CACNA1C: variants seen among roughly 807,000 people sequenced by gnomAD.
CACNA1C encodes calcium voltage-gated channel subunit alpha1 C.
A neutral mutation model predicts 229.0 loss-of-function variants in CACNA1C; 30 were observed. The ratio of observed to expected loss-of-function variants is 0.13; its 90% CI spans 0.10 to 0.18. The LOEUF (loss-of-function observed/expected upper bound fraction) is 0.18, where lower values mean the gene tolerates loss of function less well. Among genes scored for constraint, CACNA1C ranks in the 10% least tolerant of loss-of-function variants. The pLI is 1.00. For synonymous variants in CACNA1C, 1,114 were observed against 1,132.5 expected (o/e 0.98, Z 0.33); for missense variants, 1,658 against 2,845.0 (o/e 0.58, Z 9.49).
chr12:1,974,803 T>C (rs562914186), intron 1 of CACNA1C, among the ~76,000 whole-genome samples: 23 of 152,324 alleles, frequency 1.5e-4, no homozygotes, highest in Admixed American at 1.5e-3. Context: ...TCACCATAAG[T>C]GAATCTCAAT....
chr12:2,372,148 C>T (rs2097886423), intron 3 of CACNA1C, among the ~76,000 whole-genome samples: 2 of 152,278 alleles, frequency 1.3e-5, no homozygotes, highest in African/African-American at 4.8e-5. Flanking sequence ...TGTAGACAAC[C>T]ACAGATGGGA....
At chr12:2,261,621 C>T (rs1427868305) in intron 3 of CACNA1C, among the ~76,000 whole-genome samples, 1 of 152,226 alleles carries the variant, frequency 6.6e-6, no homozygotes, top group East Asian at 1.9e-4. Context: ...TTTAGTATAA[C>T]ACCTTGCATA....
At chr12:2,572,354 C>CTCCT (rs2055316448) in intron 13 of CACNA1C, among the ~76,000 whole-genome samples, 1 of 119,924 alleles carries the variant, frequency 8.3e-6, no homozygotes, top group Non-Finnish European at 1.8e-5. Flanking sequence ...CCTCCTCCTC[C>CTCCT]TCTCCTCCTC....
exon 1 of CACNA1C, chr12:1,970,926 G>T: frequency 2.7e-6 from 1 of 370,486 alleles, no homozygotes; most frequent in Non-Finnish European, 4.9e-6. Context: ...GATACGATAC[G>T]GCCATGTCAA....
intron 3 of CACNA1C, among the ~76,000 whole-genome samples, chr12:2,289,592 G>A (rs1216443653): frequency 6.6e-6 from 1 of 152,056 alleles, no homozygotes; most frequent in African/African-American, 2.4e-5. Flanking sequence ...TGTGCTGGTG[G>A]TACTAGGGAC....
intron 3 of CACNA1C, among the ~76,000 whole-genome samples, chr12:2,258,344 T>G (rs2078765175): frequency 6.6e-6 from 1 of 152,260 alleles, no homozygotes. Context: ...ATAATTTTAC[T>G]GTGTGTTTTT....
chr12:2,580,599 C>A (rs968022569), intron 13 of CACNA1C, among the ~76,000 whole-genome samples: 3 of 152,242 alleles, frequency 2.0e-5, no homozygotes, highest in Non-Finnish European at 2.9e-5. Flanking sequence ...AGCTGACCCT[C>A]ACACAGGTGC....
chr12:2,136,315 C>T (rs1343422661), intron 3 of CACNA1C, among the ~76,000 whole-genome samples: 1 of 151,292 alleles, frequency 6.6e-6, no homozygotes, highest in Admixed American at 6.7e-5. Context: ...CATCTTGGCT[C>T]CTCCTCGAGA....
chr12:2,445,922 G>A (rs1010521237), intron 3 of CACNA1C, among the ~76,000 whole-genome samples: 1 of 152,072 alleles, frequency 6.6e-6, no homozygotes, highest in African/African-American at 2.4e-5. Context: ...TCTTCTGGAG[G>A]GCTCATTATC....
At chr12:2,442,288 C>G (rs1023449190) in intron 3 of CACNA1C, among the ~76,000 whole-genome samples, 12 of 152,102 alleles carry the variant, frequency 7.9e-5, no homozygotes, top group African/African-American at 2.9e-4. Context: ...CATCATGATT[C>G]CTGGAACTGG....
intron 3 of CACNA1C, among the ~76,000 whole-genome samples, chr12:2,301,244 C>T (rs1326600103): frequency 1.3e-5 from 2 of 152,180 alleles, no homozygotes; most frequent in Admixed American, 1.3e-4. Flanking sequence ...TCTGTGCCAT[C>T]GCTTAGAGGG....
intron 9 of CACNA1C, among the ~76,000 whole-genome samples, chr12:2,529,151 G>A (rs2154581227): frequency 1.3e-5 from 2 of 152,318 alleles, no homozygotes; most frequent in Non-Finnish European, 2.9e-5. Context: ...GGCAAGTTAG[G>A]TTTGGTGACC....
At chr12:2,388,063 CACTT>C (rs1161490286) in intron 3 of CACNA1C, among the ~76,000 whole-genome samples, 1 of 152,108 alleles carries the variant, frequency 6.6e-6, no homozygotes, top group Non-Finnish European at 1.5e-5. Context: ...AATCATGTCT[CACTT>C]ATATGTGGAA....
At chr12:2,127,653 G>A (rs1421758940) in intron 3 of CACNA1C, among the ~76,000 whole-genome samples, 1 of 152,220 alleles carries the variant, frequency 6.6e-6, no homozygotes, top group African/African-American at 2.4e-5. Context: ...GCTTGACACA[G>A]CGCATTGGGA....
At chr12:2,011,745 G>A (rs545104231) in intron 1 of CACNA1C, among the ~76,000 whole-genome samples, 1 of 152,282 alleles carries the variant, frequency 6.6e-6, no homozygotes, top group South Asian at 2.1e-4. Flanking sequence ...AAAACTAAGG[G>A]CCGAAAAGCC....
chr12:1,992,980 C>T (rs1319839716), intron 1 of CACNA1C: 6 of 610,064 alleles, frequency 9.8e-6, no homozygotes, highest in Non-Finnish European at 1.7e-5. Context: ...CCCAGCCCTG[C>T]TCAGGCTTAA....
intron 3 of CACNA1C, among the ~76,000 whole-genome samples, chr12:2,416,420 AAAGAG>A (rs1421688223): frequency 1.3e-5 from 2 of 152,118 alleles, no homozygotes; most frequent in Non-Finnish European, 2.9e-5. Context: ...GAGGAAGAAA[AAAGAG>A]AAGGAAGGAA....
rs79978243 is a variant in CACNA1C, at chr12:2,401,824, A to G, written c.478-47152A>G. 1.5e-3 allele frequency among the ~76,000 whole-genome samples: 236 copies of G among 152,344 alleles called. 4 individuals carry two copies. The East Asian group carries it at 0.037, about 24-fold the overall frequency. On this transcript the variant is annotated intron_variant, in intron 3 of 46. Coordinates refer to ENST00000399655, the MANE Select transcript of CACNA1C (RefSeq NM_000719.7). ...TGTTGTAAAATAATGCAACCTAGACATGCATATGGAGTTCTTTACACTATG... is the reference window on the plus strand; with the variant it reads ...TGTTGTAAAATAATGCAACCTAGACGTGCATATGGAGTTCTTTACACTATG...
intron 3 of CACNA1C, among the ~76,000 whole-genome samples, chr12:2,322,939 C>T (rs888167765): frequency 6.6e-6 from 1 of 152,222 alleles, no homozygotes; most frequent in Non-Finnish European, 1.5e-5. Context: ...TGCTGCACCA[C>T]GCTGTCCCGA....
Sources: gnomAD v4.1 joint callset for allele counts (sites outside exome capture counted in the v4.1 genomes callset) on GRCh38, gnomAD v4.1.1 for gene constraint, MANE v1.5 for transcripts, NCBI Gene and HGNC (gene_info 2026-07-23, HGNC 2026-07-21) for gene names.